ADD2: variants seen among roughly 807,000 people sequenced by gnomAD.
ADD2 encodes the protein adducin 2.
Under a neutral mutation model 83.0 loss-of-function variants are expected in ADD2, and 23 were observed. That is an observed-to-expected ratio of 0.28 (90% CI 0.20 to 0.39). The LOEUF is 0.39. Among genes scored for constraint, ADD2 ranks in the 10% least tolerant of loss-of-function variants. The pLI is 1.00. For missense variants in ADD2, 758 were observed against 944.9 expected, an observed-to-expected ratio of 0.80 and a Z score of 2.59; for synonymous variants, 375 against 375.4, an observed-to-expected ratio of 1.00 and a Z score of 0.01.
At chr2:70,689,241 C>T (rs980821598) in intron 8 of ADD2, among the ~76,000 whole-genome samples, 5 of 152,222 alleles carry the variant, frequency 3.3e-5, no homozygotes, top group Non-Finnish European at 7.3e-5. Context: ...TGAATTTGTA[C>T]CAAGAGCACA....
intron 14 of ADD2, 128 bp downstream of exon 14, chr2:70,674,550 G>T: frequency 9.5e-7 from 1 of 1,051,078 alleles, no homozygotes; most frequent in Non-Finnish European, 1.4e-6. Context: ...GGGCATTTTT[G>T]TGATTAATGG....
intron 1 of ADD2, among the ~76,000 whole-genome samples, chr2:70,755,627 T>C (rs1489590708): frequency 2.6e-5 from 4 of 152,212 alleles, no homozygotes; most frequent in Non-Finnish European, 5.9e-5. Context: ...CCTACCATTG[T>C]GACCAATTAC....
At chr2:70,754,977 C>T (rs1278127643) in intron 1 of ADD2, among the ~76,000 whole-genome samples, 1 of 152,126 alleles carries the variant, frequency 6.6e-6, no homozygotes, top group Non-Finnish European at 1.5e-5. Flanking sequence ...TTGCAAAACA[C>T]CTCTAACTCC....
At chr2:70,725,151 G>C (rs1672924516) in intron 1 of ADD2, among the ~76,000 whole-genome samples, 1 of 152,164 alleles carries the variant, frequency 6.6e-6, no homozygotes, top group African/African-American at 2.4e-5. Flanking sequence ...GGTAATTATG[G>C]TAGCCACCCC....
chr2:70,695,943 A>G (rs1553372553), intron 5 of ADD2, 142 bp from the exon 6 acceptor site: 1 of 731,714 alleles, frequency 1.4e-6, no homozygotes, highest in African/African-American at 1.8e-5. Flanking sequence ...CCCCAGCCAT[A>G]AGAGATAAAA....
In ADD2 at chr2:70,706,360, C is replaced by T. The variant is rs1028062919; in HGVS notation, c.49G>A (p.Gly17Arg). ...PEAASPPPPQ[G>R]QPYFDRFSED... is the part of the protein sequence containing the mutation. ...GAGAAGCGGTCAAAGTAAGGCTGCC[C>T]CTGCGGGGGCGGCGGCGAGGCAGCC... The change falls in exon 3 of 16, where the codon GGG (glycine) becomes AGG (arginine). Residue 17 changes from glycine to arginine, a missense_variant. Gly to Arg is a moderately radical substitution (Grantham distance 125). Coordinates refer to ENST00000264436, the MANE Select transcript of ADD2 (RefSeq NM_001617.4). The surrounding 1 kb of genome is among the most constrained non-coding windows in gnomAD (Gnocchi z 5.0). 6.2e-7 allele frequency: 1 copy of T among 1,612,454 alleles called. No individual in the cohort carries two copies. The highest frequency in any genetic ancestry group is 8.5e-7 in the Non-Finnish European group (1 of 1,179,108).
At chr2:70,697,407 G>A (rs533314535) in intron 4 of ADD2, among the ~76,000 whole-genome samples, 6 of 152,204 alleles carry the variant, frequency 3.9e-5, no homozygotes, top group Non-Finnish European at 5.9e-5. Context: ...GGGCATGCAA[G>A]GGTCTAGGAT....
At chr2:70,702,796 A>G (rs1248026198) in intron 4 of ADD2, among the ~76,000 whole-genome samples, 1 of 152,168 alleles carries the variant, frequency 6.6e-6, no homozygotes, top group East Asian at 1.9e-4. Flanking sequence ...ACTAATAGGA[A>G]AATAGGCAAA....
intron 1 of ADD2, among the ~76,000 whole-genome samples, chr2:70,730,745 T>C (rs72830348): frequency 0.15 from 22,431 of 152,264 alleles, 1,766 homozygotes; most frequent in East Asian, 0.29. Context: ...TGGTCCCATA[T>C]GATTATAATA....
At position 70,739,996 on chromosome 2, in the gene ADD2, C is replaced by T. The variant is rs565197178; in HGVS notation, c.-153-26812G>A. Among the ~76,000 whole-genome samples the T allele has an allele frequency of 4.6e-5, 7 of 152,182 alleles. No individual in the cohort carries two copies. In the South Asian group the frequency reaches 1.5e-3, roughly 32 times the overall value. On this transcript the variant is annotated intron_variant, in intron 1 of 15. Coordinates refer to ENST00000264436, the MANE Select transcript of ADD2 (RefSeq NM_001617.4). ...ACACAAGTTTACCTACGTCACAAAC[C>T]TGCACATGTACCCCTGAACCTAAAA...
intron 4 of ADD2, 48 bp downstream of exon 4, chr2:70,704,273 A>ACCCCCCCC: frequency 5.7e-6 from 3 of 523,430 alleles, no homozygotes; most frequent in South Asian, 4.0e-5. Flanking sequence ...TCCCCACCCC[A>ACCCCCCCC]CCCTCCCCTC....
Position 70,676,681 on chromosome 2 carries a change from G to T in ADD2, c.1593+115C>A. ...TTGCAGCAAGAGCACCGGCACCCAA[G>T]ATCACAGGGGAAGGTGGGTATGAGG... On this transcript the variant is annotated intron_variant, in intron 13 of 15. Transcript: ENST00000264436. This position sits in a 1 kb window ranked among gnomAD's most constrained non-coding sequence, Gnocchi z 4.8. 1 of 1,523,662 alleles carries T rather than the reference G, an allele frequency of 6.6e-7. No individual in the cohort carries two copies. Among genetic ancestry groups the T allele is most frequent in the East Asian group, 2.4e-5 (1 of 41,184 alleles). The allele number at this position is 1,523,662 out of a possible 1,614,324, so 94.4% of individuals were successfully genotyped here. A position where few individuals can be genotyped will look rare whatever the true frequency, so the allele number is the denominator to read the frequency against.
chr2:70,708,884 G>A (rs1553375008), intron 2 of ADD2, among the ~76,000 whole-genome samples: 3 of 152,270 alleles, frequency 2.0e-5, no homozygotes, highest in East Asian at 1.9e-4. Context: ...TTCCAATAAA[G>A]CAAATACAAA....
chr2:70,756,071 GA>G (rs10549289), intron 1 of ADD2, among the ~76,000 whole-genome samples: 22,335 of 117,364 alleles, frequency 0.19, 1,614 homozygotes, highest in Middle Eastern at 0.34. Context: ...GCAAAAAAAA[GA>G]AAAAAAAAAA....
chr2:70,721,079 C>T (rs906819117), intron 1 of ADD2, among the ~76,000 whole-genome samples: 1 of 152,158 alleles, frequency 6.6e-6, no homozygotes, highest in Non-Finnish European at 1.5e-5. Flanking sequence ...AAACATATTC[C>T]CACCCTTTAG....
At chr2:70,755,257 C>G (rs574888087) in intron 1 of ADD2, among the ~76,000 whole-genome samples, 1 of 152,186 alleles carries the variant, frequency 6.6e-6, no homozygotes, top group East Asian at 1.9e-4. Flanking sequence ...GCTCCACTCT[C>G]GGCCAATGAT....
intron 5 of ADD2, 85 bp from the exon 6 acceptor site, chr2:70,695,886 G>T: frequency 8.6e-7 from 1 of 1,167,176 alleles, no homozygotes; most frequent in Non-Finnish European, 1.3e-6. Flanking sequence ...CTCTTCCCCT[G>T]AATCTACTGC....
rs1553371434 is a variant in ADD2, at chr2:70,690,861, A to G, written c.774T>C (p.Tyr258=). The G allele has an allele frequency of 6.2e-7, 1 of 1,614,144 alleles. No homozygotes were observed. Among genetic ancestry groups the G allele is most frequent in the South Asian group, 1.1e-5 (1 of 91,062 alleles). The change falls in exon 8 of 16, where the codon TAT becomes TAC. Residue 258 remains tyrosine, a synonymous_variant. Transcript: ENST00000264436. The part of the protein sequence containing the change: ...HNALLVGDMA[Y]YDFNGEMEQE... ...GCTCCATTTCCCCATTGAAGTCATAATAGGCCATGTCCCCCACCAGCAGGG... is the reference window on the plus strand; with the variant it reads ...GCTCCATTTCCCCATTGAAGTCATAGTAGGCCATGTCCCCCACCAGCAGGG...
rs1671867773 is a variant in ADD2, at chr2:70,706,047, C to T, written c.183+179G>A. Among the ~76,000 whole-genome samples, 1 of 152,188 alleles carries T rather than the reference C, an allele frequency of 6.6e-6. No homozygotes were observed. The highest frequency in any genetic ancestry group is 1.5e-5 in the Non-Finnish European group (1 of 68,034). ...CACACACAAGCCAGGTTCTGCCATCCACCAGTTACAAGGGAGAGTGTCAAG... is the reference window on the plus strand; with the variant it reads ...CACACACAAGCCAGGTTCTGCCATCTACCAGTTACAAGGGAGAGTGTCAAG... On this transcript the variant is annotated intron_variant, in intron 3 of 15. Coordinates refer to ENST00000264436, the MANE Select transcript of ADD2 (RefSeq NM_001617.4). The surrounding 1 kb of genome is among the most constrained non-coding windows in gnomAD (Gnocchi z 5.0).
Sources: gnomAD v4.1 joint callset for allele counts (sites outside exome capture counted in the v4.1 genomes callset) on GRCh38, gnomAD v4.1.1 for gene constraint, Gnocchi (gnomAD v3.1) non-coding constraint, MANE v1.5 for transcripts, NCBI Gene and HGNC (gene_info 2026-07-23, HGNC 2026-07-21) for gene names.